Variants in CMKLR1 observed in about 807,000 individuals in gnomAD.
CMKLR1 encodes chemerin-like receptor 1.
In CMKLR1, 6 loss-of-function variants were observed where a neutral mutation model predicts 8.2. That is an observed-to-expected ratio of 0.73 (90% CI 0.40 to 1.44). The LOEUF is 1.44. Among genes scored for constraint, CMKLR1 ranks in the 40% most tolerant of loss-of-function variants. The probability of loss-of-function intolerance (pLI) is 0.02; values close to 1 mark genes in which losing one functional copy is unlikely to be tolerated. For missense variants in CMKLR1, 429 were observed against 478.0 expected (o/e 0.90, Z 0.96); for synonymous variants, 178 against 181.2 (o/e 0.98, Z 0.14).
Position 108,292,820 on chromosome 12 carries a change from C to T in CMKLR1, c.143G>A (p.Ser48Asn), listed in dbSNP as rs1891030236. Residue 48 changes from serine (S) to asparagine (N), a missense_variant, in exon 4 of 4, where the codon AGC becomes AAC. Ser to Asn is a conservative substitution (Grantham distance 46). Coordinates refer to ENST00000550402, the MANE Select transcript of CMKLR1 (RefSeq NM_001142343.2). ...VTRIFLVVVY[S>N]IVCFLGILGN... ...CAGAATCCCGAGGAAGCAGACGATG[C>T]TGTAGACCACCACCAGGAAGATCCT... The T allele has an allele frequency of 1.9e-6, 3 of 1,614,154 alleles. No homozygotes were observed. The East Asian group carries it at 6.7e-5, about 36-fold the overall frequency.
At chr12:108,306,730 A>G (rs1040413878) in intron 2 of CMKLR1, among the ~76,000 whole-genome samples, 17 of 152,144 alleles carry the variant, frequency 1.1e-4, no homozygotes, top group Non-Finnish European at 2.1e-4. Flanking sequence ...GGCCTGAGCA[A>G]TCTAGACCCT....
chr12:108,336,495 A>G (rs549051906), intron 1 of CMKLR1, among the ~76,000 whole-genome samples: 31 of 152,104 alleles, frequency 2.0e-4, no homozygotes, highest in African/African-American at 5.8e-4. Flanking sequence ...GCAGTGAGCC[A>G]AGATTGCGCC....
chr12:108,333,488 G>T (rs1207227937), intron 1 of CMKLR1, among the ~76,000 whole-genome samples: 1 of 152,142 alleles, frequency 6.6e-6, no homozygotes, highest in African/African-American at 2.4e-5. Flanking sequence ...GATGTGCAAA[G>T]GCCAATTTCA....
At chr12:108,307,301 T>C (rs958246996) in intron 2 of CMKLR1, among the ~76,000 whole-genome samples, 2 of 152,202 alleles carry the variant, frequency 1.3e-5, no homozygotes, top group African/African-American at 4.8e-5. Flanking sequence ...CTTGGTGTGC[T>C]GTTCTGGGTG....
At chr12:108,311,235 A>G (rs1303374145) in intron 2 of CMKLR1, among the ~76,000 whole-genome samples, 1 of 152,194 alleles carries the variant, frequency 6.6e-6, no homozygotes, top group African/African-American at 2.4e-5. Flanking sequence ...TGGGGCTCAG[A>G]TGCCAAAACC....
At chr12:108,330,515 A>C (rs1892080607) in intron 1 of CMKLR1, among the ~76,000 whole-genome samples, 1 of 152,226 alleles carries the variant, frequency 6.6e-6, no homozygotes, top group Non-Finnish European at 1.5e-5. Context: ...GCACATGGTG[A>C]GGGGTGTGGA....
intron 2 of CMKLR1, among the ~76,000 whole-genome samples, chr12:108,320,385 G>A (rs73411406): frequency 0.023 from 3,475 of 152,120 alleles, 141 homozygotes; most frequent in African/African-American, 0.08. Context: ...GCCAGGTAAG[G>A]GGTGCTTTCT....
chr12:108,316,940 T>A (rs1177069647), intron 2 of CMKLR1, among the ~76,000 whole-genome samples: 2 of 151,936 alleles, frequency 1.3e-5, no homozygotes, highest in African/African-American at 4.8e-5. Flanking sequence ...CTAGGACTAC[T>A]ACAGGCATAC....
rs1181921191 is a variant in CMKLR1, at chr12:108,291,831, A to C, written c.*10T>G. 1 of 1,605,244 alleles carries C rather than the reference A, an allele frequency of 6.2e-7. No homozygotes were observed. The highest frequency in any genetic ancestry group is 1.3e-5 in the African/African-American group (1 of 74,912). ...TTGAGAGAGTCCATTGAGGGGTTCCACAGTGAGGATCAAAGCATGCCGGTC... is the reference window on the plus strand; with the variant it reads ...TTGAGAGAGTCCATTGAGGGGTTCCCCAGTGAGGATCAAAGCATGCCGGTC... On this transcript the variant is annotated 3_prime_UTR_variant, in exon 4 of 4. Coordinates refer to ENST00000550402, the MANE Select transcript of CMKLR1 (RefSeq NM_001142343.2).
At chr12:108,325,359 G>A (rs1478733237) in intron 2 of CMKLR1, among the ~76,000 whole-genome samples, 1 of 152,168 alleles carries the variant, frequency 6.6e-6, no homozygotes, top group African/African-American at 2.4e-5. Context: ...TCCACATCGT[G>A]GCTGGGGATA....
intron 2 of CMKLR1, among the ~76,000 whole-genome samples, chr12:108,311,385 C>T (rs543966041): frequency 3.9e-5 from 6 of 152,232 alleles, no homozygotes; most frequent in African/African-American, 9.6e-5. Context: ...GAGGCTGAGG[C>T]GGGAGGGTCA....
intron 2 of CMKLR1, among the ~76,000 whole-genome samples, chr12:108,314,353 A>G (rs1204565726): frequency 6.6e-6 from 1 of 152,104 alleles, no homozygotes; most frequent in African/African-American, 2.4e-5. Flanking sequence ...CTAAAAACCA[A>G]ACCCACTCAG....
rs1890878283 is a variant in CMKLR1 at position 108,288,930 on chromosome 12, T to C, written c.*2911A>G. Reference sequence around the variant, plus strand: ...AACTCTGAACTAGTGAAGTCTGTTCTTGAAACAGAAACTCACTTTCTGCAC... The same window carrying C: ...AACTCTGAACTAGTGAAGTCTGTTCCTGAAACAGAAACTCACTTTCTGCAC... On this transcript the variant is annotated 3_prime_UTR_variant, in exon 4 of 4. Transcript: ENST00000550402. 1 of 150,962 alleles carries C rather than the reference T, an allele frequency of 6.6e-6. No homozygotes were observed. Among genetic ancestry groups the C allele is most frequent in the African/African-American group, 2.4e-5 (1 of 41,024 alleles). The allele number at this position is 150,962 out of a possible 1,614,324, so 9.4% of individuals were successfully genotyped here.
rs749502814 is a variant in CMKLR1, at chr12:108,292,502, C to T, written c.461G>A (p.Arg154His). 38 of 1,613,966 alleles carry T rather than the reference C, an allele frequency of 2.4e-5. No individual in the cohort carries two copies. The highest frequency in any genetic ancestry group is 1.6e-4 in the Middle Eastern group (1 of 6,084). Residue 154 changes from arginine (R) to histidine (H), a missense_variant, in exon 4 of 4, where the codon CGC becomes CAC. Coordinates refer to ENST00000550402, the MANE Select transcript of CMKLR1 (RefSeq NM_001142343.2). ...GACCATGCAGGCCATGTAAGCCAGGCGAACGCTGCGGTGGTTCTGGGACCA... is the reference window on the plus strand; with the variant it reads ...GACCATGCAGGCCATGTAAGCCAGGTGAACGCTGCGGTGGTTCTGGGACCA... ...PVWSQNHRSV[R>H]LAYMACMVIW...
chr12:108,318,736 T>A (rs1435549511), intron 2 of CMKLR1, among the ~76,000 whole-genome samples: 1 of 152,100 alleles, frequency 6.6e-6, no homozygotes, highest in Non-Finnish European at 1.5e-5. Context: ...TGGTCCCTGA[T>A]CCCATAGCAG....
chr12:108,335,437 G>C (rs546068917), intron 1 of CMKLR1, among the ~76,000 whole-genome samples: 42 of 152,224 alleles, frequency 2.8e-4, no homozygotes, highest in Non-Finnish European at 4.7e-4. Flanking sequence ...GGGACCACCA[G>C]ATGAGTCACT....
At chr12:108,320,152 A>G (rs1480156404) in intron 2 of CMKLR1, among the ~76,000 whole-genome samples, 2 of 152,188 alleles carry the variant, frequency 1.3e-5, no homozygotes, top group Non-Finnish European at 2.9e-5. Context: ...AAGTAACTGC[A>G]GAGGCACAAA....
At chr12:108,293,518 A>G (rs1281763687) in intron 3 of CMKLR1, 71 bp downstream of exon 3, 21 of 1,515,372 alleles carry the variant, frequency 1.4e-5, no homozygotes, top group Non-Finnish European at 1.8e-5. Flanking sequence ...CCTTGTTGTG[A>G]TCCCCCTGTG....
chr12:108,330,128 C>T lies in CMKLR1; in HGVS notation c.-207G>A, dbSNP rs1450380398. 6.6e-6 allele frequency: 1 copy of T among 152,210 alleles called. No homozygotes were observed. Among genetic ancestry groups the T allele is most frequent in the Non-Finnish European group, 1.5e-5 (1 of 68,054 alleles). The allele number at this position is 152,210 out of a possible 1,614,324, so 9.4% of individuals were successfully genotyped here. On this transcript the variant is annotated 5_prime_UTR_variant, in exon 2 of 4. Coordinates refer to ENST00000550402, the MANE Select transcript of CMKLR1 (RefSeq NM_001142343.2). ...TAGTCCCAGCCTAGATCTCTAGATG[C>T]CATCAGCTTCTGCTATCATTGTTGC...
Sources: allele counts gnomAD v4.1 joint callset (sites outside exome capture counted in the v4.1 genomes callset), GRCh38; gene constraint gnomAD v4.1.1; transcripts MANE v1.5; gene names NCBI Gene and HGNC (gene_info 2026-07-23, HGNC 2026-07-21).